The following FOCAD variants were observed in gnomAD, a reference collection of about 807,000 sequenced individuals.
The protein encoded by FOCAD is KIAA1797.
In FOCAD, 198 loss-of-function variants were observed where a neutral mutation model predicts 225.6. That is an observed-to-expected ratio of 0.88 (90% CI 0.78 to 0.99). The LOEUF (loss-of-function observed/expected upper bound fraction) is 0.99. FOCAD is among the 50% of genes least tolerant of loss of function. The pLI, the probability that FOCAD is intolerant of heterozygous loss-of-function variation, is 0.00. For missense variants in FOCAD, 2,713 were observed against 2,123.6 expected (o/e 1.28, Z -5.46); for synonymous variants, 897 against 755.0 (o/e 1.19, Z -3.08).
At chr9:20,846,995 G>T (rs1002850317) in intron 15 of FOCAD, among the ~76,000 whole-genome samples, 1 of 152,110 alleles carries the variant, frequency 6.6e-6, no homozygotes, top group South Asian at 2.1e-4. Context: ...GTTTGACCTA[G>T]ATTTCTCTGA....
chr9:20,916,456 C>G (rs1008332439), intron 23 of FOCAD, among the ~76,000 whole-genome samples: 3 of 152,080 alleles, frequency 2.0e-5, no homozygotes, highest in Non-Finnish European at 4.4e-5. Flanking sequence ...TTGGTGAGCT[C>G]TCATGTAAAA....
At chr9:20,875,024 G>A (rs1830120849) in intron 19 of FOCAD, 2 of 517,062 alleles carry the variant, frequency 3.9e-6, no homozygotes, top group Non-Finnish European at 6.7e-6. Context: ...GATTGAACAA[G>A]AAAACTAGTG....
At position 20,949,660 on chromosome 9, in the gene FOCAD, T is replaced by C. The variant is rs1837509855; in HGVS notation, c.3933T>C (p.Ile1311=). ...SHFQGRLNEV[I]RTLTQVISVS... ...TTCAAGGCAGACTTAATGAAGTCAT[T>C]AGAACCTTAACTCAGGTGAGAAAAT... The change falls in exon 33 of 44, where the codon ATT becomes ATC. Residue 1311 remains isoleucine (I), a synonymous_variant. Coordinates refer to ENST00000338382, the MANE Select transcript of FOCAD (RefSeq NM_001375567.1). 1 of 1,612,602 alleles carries C rather than the reference T, an allele frequency of 6.2e-7. No individual in the cohort carries two copies.
At chr9:20,813,655 T>A (rs1428448606) in intron 11 of FOCAD, among the ~76,000 whole-genome samples, 2 of 152,216 alleles carry the variant, frequency 1.3e-5, no homozygotes, top group Non-Finnish European at 2.9e-5. Context: ...TCACACGTGG[T>A]CCATCCTAGA....
intron 7 of FOCAD, among the ~76,000 whole-genome samples, chr9:20,769,194 T>C (rs1167248325): frequency 6.6e-6 from 1 of 152,240 alleles, no homozygotes; most frequent in African/African-American, 2.4e-5. Context: ...CTTTTTTCTC[T>C]TGTTTGCTAG....
At chr9:20,816,861 A>C (rs1398127491) in intron 11 of FOCAD, among the ~76,000 whole-genome samples, 1 of 152,188 alleles carries the variant, frequency 6.6e-6, no homozygotes, top group East Asian at 1.9e-4. Flanking sequence ...CTATTTACAT[A>C]GCATTTACAT....
chr9:20,857,429 T>A (rs1828297578), intron 15 of FOCAD, among the ~76,000 whole-genome samples: 1 of 152,040 alleles, frequency 6.6e-6, no homozygotes, highest in Admixed American at 6.6e-5. Context: ...TGCTACTGAT[T>A]TTTGAATGTT....
chr9:20,893,468 G>T (rs544783278), intron 21 of FOCAD, among the ~76,000 whole-genome samples: 7 of 151,940 alleles, frequency 4.6e-5, no homozygotes, highest in Non-Finnish European at 8.8e-5. Context: ...TAATGATTGC[G>T]GTGGTCTTAC....
intron 21 of FOCAD, among the ~76,000 whole-genome samples, chr9:20,905,410 G>A (rs1320479744): frequency 6.6e-6 from 1 of 151,934 alleles, no homozygotes; most frequent in Non-Finnish European, 1.5e-5. Context: ...GCATTTGTGA[G>A]ACCATTGTCT....
At chr9:20,785,945 A>G (rs1819881217) in intron 10 of FOCAD, among the ~76,000 whole-genome samples, 1 of 152,126 alleles carries the variant, frequency 6.6e-6, no homozygotes, top group South Asian at 2.1e-4. Context: ...TGATGGTTAC[A>G]TCCTAGTAGG....
intron 5 of FOCAD, among the ~76,000 whole-genome samples, chr9:20,750,745 A>G (rs1587010847): frequency 6.6e-6 from 1 of 152,172 alleles, no homozygotes; most frequent in East Asian, 1.9e-4. Flanking sequence ...ATAAAAAAAT[A>G]TAGGGTGATT....
intron 18 of FOCAD, among the ~76,000 whole-genome samples, chr9:20,869,275 C>G (rs189589363): frequency 2.0e-5 from 3 of 152,220 alleles, no homozygotes; most frequent in African/African-American, 4.8e-5. Context: ...TCCATATTCT[C>G]TCTTCTTACC....
intron 21 of FOCAD, among the ~76,000 whole-genome samples, chr9:20,894,956 T>C (rs1335439896): frequency 6.6e-6 from 1 of 152,104 alleles, no homozygotes; most frequent in African/African-American, 2.4e-5. Flanking sequence ...TACAGTACTG[T>C]GTTTTACGTT....
chr9:20,821,168 G>A, intron 14 of FOCAD, 97 bp downstream of exon 14: 3 of 1,115,506 alleles, frequency 2.7e-6, no homozygotes, highest in Non-Finnish European at 2.5e-6. Flanking sequence ...GATAGGCAGA[G>A]GATATATAAG....
intron 8 of FOCAD, among the ~76,000 whole-genome samples, chr9:20,773,890 C>G (rs972205812): frequency 2.0e-5 from 3 of 152,122 alleles, no homozygotes; most frequent in African/African-American, 7.2e-5. Flanking sequence ...TCCCCAATGC[C>G]TGGGCCACAG....
chr9:20,820,547 A>G, intron 13 of FOCAD, 122 bp downstream of exon 13: 1 of 739,588 alleles, frequency 1.4e-6, no homozygotes, highest in East Asian at 2.9e-5. Context: ...CAGTGATTGC[A>G]TTGAAAAAGT....
At position 20,770,175 on chromosome 9, in the gene FOCAD, G is replaced by T. The variant is rs966417554; in HGVS notation, c.843G>T (p.Lys281Asn). Residue 281 changes from lysine (K) to asparagine (N), a missense_variant, in exon 8 of 44, where the codon AAG (lysine) becomes AAT (asparagine). Lys to Asn is a moderately conservative substitution (Grantham distance 94). Transcript: ENST00000338382. ...TGTGTGTCAGTGAAGTCAGCTTAAA[G>T]ATAACTGGTGAATGTTCATCTTCAA... The part of the protein sequence containing the change: ...QLLCVSEVSL[K>N]ITGECSSSIH... 23 of 1,614,068 alleles carry T rather than the reference G, an allele frequency of 1.4e-5. No individual in the cohort carries two copies. Among genetic ancestry groups the T allele is most frequent in the Admixed American group, 6.7e-5 (4 of 59,980 alleles).
chr9:20,920,952 T>A (rs1370525487), intron 24 of FOCAD, among the ~76,000 whole-genome samples: 1 of 149,888 alleles, frequency 6.7e-6, no homozygotes. Flanking sequence ...ACCCTAAAAC[T>A]TAAAGTATAA....
chr9:20,781,414 T>G (rs1203272903), intron 9 of FOCAD, among the ~76,000 whole-genome samples: 16 of 152,244 alleles, frequency 1.1e-4, no homozygotes, highest in Admixed American at 1.0e-3. Context: ...TTAGCTCTGT[T>G]TGCTGAGGGC....
Sources: gnomAD v4.1 joint callset for allele counts (sites outside exome capture counted in the v4.1 genomes callset) on GRCh38, gnomAD v4.1.1 for gene constraint, MANE v1.5 for transcripts, NCBI Gene and HGNC (gene_info 2026-07-23, HGNC 2026-07-21) for gene names.